Variants in COBLL1 observed in about 807,000 individuals in gnomAD.
The protein encoded by COBLL1 is cordon-bleu WH2 repeat protein like 1, also known as cordon-bleu protein-like 1.
A neutral mutation model predicts 94.8 loss-of-function variants in COBLL1; 50 were observed. The ratio of observed to expected loss-of-function variants is 0.53; its 90% CI spans 0.42 to 0.67. COBLL1 has a LOEUF of 0.67. COBLL1 is among the 30% of genes least tolerant of loss of function. COBLL1 has a pLI of 0.00. For synonymous variants in COBLL1, 448 were observed against 473.8 expected (o/e 0.95, Z 0.71); for missense variants, 1,362 against 1,348.7 (o/e 1.01, Z -0.15).
At chr2:164,828,707 A>G (rs1685553662) in intron 2 of COBLL1, among the ~76,000 whole-genome samples, 1 of 152,206 alleles carries the variant, frequency 6.6e-6, no homozygotes, top group South Asian at 2.1e-4. Context: ...TGACTAAGAA[A>G]CTGACATTTT....
At chr2:164,800,151 T>C (rs1193368947) in intron 2 of COBLL1, among the ~76,000 whole-genome samples, 1 of 152,156 alleles carries the variant, frequency 6.6e-6, no homozygotes, top group East Asian at 1.9e-4. Flanking sequence ...AGCAACAGTC[T>C]AGGAGAAAAT....
chr2:164,811,708 C>T (rs1684465613), intron 2 of COBLL1, among the ~76,000 whole-genome samples: 1 of 151,698 alleles, frequency 6.6e-6, no homozygotes. Context: ...CAAGACATAA[C>T]TGAAAAAATG....
intron 2 of COBLL1, among the ~76,000 whole-genome samples, chr2:164,803,298 G>A (rs1683905620): frequency 6.6e-6 from 1 of 152,118 alleles, no homozygotes; most frequent in African/African-American, 2.4e-5. Flanking sequence ...GGGCGCGGTG[G>A]CTCACGCCTG....
At chr2:164,792,115 A>C (rs1033048286) in intron 2 of COBLL1, among the ~76,000 whole-genome samples, 2 of 151,372 alleles carry the variant, frequency 1.3e-5, no homozygotes, top group Admixed American at 6.6e-5. Context: ...TTCTTTATTT[A>C]TTTATTTATT....
chr2:164,840,889 CCT>C, intron 2 of COBLL1: 1 of 375,426 alleles, frequency 2.7e-6, no homozygotes, highest in Admixed American at 4.6e-5. Context: ...CTCCCGGACT[CCT>C]CACCCAATTC....
intron 7 of COBLL1, among the ~76,000 whole-genome samples, chr2:164,719,494 C>T (rs1417872789): frequency 6.6e-6 from 1 of 152,190 alleles, no homozygotes; most frequent in Non-Finnish European, 1.5e-5. Flanking sequence ...CCTTTGAAGG[C>T]ATTAGGGAGA....
At position 164,684,373 on chromosome 2, in the gene COBLL1, T is replaced by C. The variant is rs191426967; in HGVS notation, c.*1573A>G. The stretch of plus-strand genomic sequence containing the variant: ...ACTCAAAATATATGAAGGTTTAAAT[T>C]AGGGATCCAAATTTATATTTTTATA... On this transcript the variant is annotated 3_prime_UTR_variant, in exon 14 of 14. Transcript: ENST00000652658. The C allele has an allele frequency of 6.6e-6, 1 of 152,240 alleles. No homozygotes were observed. Among genetic ancestry groups the C allele is most frequent in the Admixed American group, 6.6e-5 (1 of 15,260 alleles). The allele number at this position is 152,240 out of a possible 1,614,324, so 9.4% of individuals were successfully genotyped here. A position where few individuals can be genotyped will look rare whatever the true frequency, so the allele number is the denominator to read the frequency against.
intron 13 of COBLL1, among the ~76,000 whole-genome samples, chr2:164,691,054 A>C (rs1345050416): frequency 6.6e-6 from 1 of 152,164 alleles, no homozygotes; most frequent in African/African-American, 2.4e-5. Flanking sequence ...CAAAATTCAA[A>C]TCTAATCCAC....
rs1685804467 is a variant in COBLL1 at position 164,728,037 on chromosome 2, G to A, written c.593C>T (p.Pro198Leu). ...ATTAAGAGATTTTGTCAAGTCAAGA[G>A]GCTCCTGCGATTGATAATCTTTCAA... ...LLLKDYQSQE[P>L]LDLTKSLNDL... Residue 198 changes from proline to leucine, a missense_variant, in exon 5 of 14, where the codon CCT (proline) becomes CTT (leucine). Physicochemically the swap from Pro to Leu is moderately conservative, Grantham distance 98 (BLOSUM62 -3). Transcript: ENST00000652658. 1.2e-6 allele frequency: 2 copies of A among 1,613,640 alleles called. No homozygotes were observed. Among genetic ancestry groups the A allele is most frequent in the South Asian group, 2.2e-5 (2 of 91,078 alleles).
At position 164,684,181 on chromosome 2, in the gene COBLL1, T is replaced by C. The variant is rs1313880904; in HGVS notation, c.*1765A>G. On this transcript the variant is annotated 3_prime_UTR_variant, in exon 14 of 14. Transcript: ENST00000652658. ...GTGAAGAGTATTTTTTTTCCATGTT[T>C]GTTGGCCTTTTGAATTTCCTCTTGT... 6.6e-6 allele frequency: 1 copy of C among 152,134 alleles called. No homozygotes were observed. The highest frequency in any genetic ancestry group is 2.4e-5 in the African/African-American group (1 of 41,450). The allele number at this position is 152,134 out of a possible 1,614,324, so 9.4% of individuals were successfully genotyped here. A position where few individuals can be genotyped will look rare whatever the true frequency, so the allele number is the denominator to read the frequency against.
intron 2 of COBLL1, among the ~76,000 whole-genome samples, chr2:164,775,396 A>G (rs556425964): frequency 6.6e-6 from 1 of 152,206 alleles, no homozygotes; most frequent in East Asian, 1.9e-4. Flanking sequence ...TTTCCCTGAA[A>G]ACAGACTCCT....
chr2:164,840,846 G>T, intron 2 of COBLL1: 1 of 306,738 alleles, frequency 3.3e-6, no homozygotes, highest in Non-Finnish European at 6.0e-6. Context: ...CTCCCCCAGA[G>T]CCCAAACAAG....
chr2:164,757,901 A>G (rs1050774036), intron 2 of COBLL1, among the ~76,000 whole-genome samples: 1 of 151,980 alleles, frequency 6.6e-6, no homozygotes, highest in Non-Finnish European at 1.5e-5. Flanking sequence ...TTTCCTAAAT[A>G]TCTTACAGGG....
chr2:164,814,145 G>A (rs954010997), intron 2 of COBLL1, among the ~76,000 whole-genome samples: 23 of 152,088 alleles, frequency 1.5e-4, no homozygotes, highest in Non-Finnish European at 2.9e-4. Context: ...TAGTAAGGTA[G>A]CAAGAATGAA....
chr2:164,836,130 G>C (rs1458296727), intron 2 of COBLL1, among the ~76,000 whole-genome samples: 1 of 151,792 alleles, frequency 6.6e-6, no homozygotes, highest in Non-Finnish European at 1.5e-5. Context: ...TTTCATTTTT[G>C]TTATTCAGTA....
intron 2 of COBLL1, among the ~76,000 whole-genome samples, chr2:164,765,111 T>C (rs1434973561): frequency 6.6e-6 from 1 of 152,158 alleles, no homozygotes; most frequent in Non-Finnish European, 1.5e-5. Context: ...ACTGGGAACA[T>C]AATAAATGGA....
At chr2:164,820,126 G>GCGC (rs1685092894) in intron 2 of COBLL1, among the ~76,000 whole-genome samples, 1 of 151,754 alleles carries the variant, frequency 6.6e-6, no homozygotes, top group Non-Finnish European at 1.5e-5. Flanking sequence ...GGGCCACCGT[G>GCGC]CCAGCCACCA....
chr2:164,727,897 C>T (rs12692743), intron 5 of COBLL1, 72 bp downstream of exon 5: 616,048 of 1,059,884 alleles, frequency 0.58, 183,339 homozygotes, highest in African/African-American at 0.84. Context: ...AACACCTTCA[C>T]ACAAACACAA....
intron 2 of COBLL1, among the ~76,000 whole-genome samples, chr2:164,804,204 G>C (rs74904468): frequency 0.011 from 1,627 of 151,926 alleles, 6 homozygotes; most frequent in African/African-American, 0.026. Flanking sequence ...TATGAAAAAT[G>C]GTTTGGAGGA....
Sources: gnomAD v4.1 joint callset for allele counts (sites outside exome capture counted in the v4.1 genomes callset) on GRCh38, gnomAD v4.1.1 for gene constraint, MANE v1.5 for transcripts, NCBI Gene and HGNC (gene_info 2026-07-23, HGNC 2026-07-21) for gene names.